The following GBF1 variants were observed in gnomAD, a reference collection of about 807,000 sequenced individuals.
GBF1 encodes Golgi-specific brefeldin A-resistance guanine nucleotide exchange factor 1.
GBF1 carries 114 observed loss-of-function variants against 210.5 expected under a neutral mutation model. The ratio of observed to expected loss-of-function variants is 0.54; its 90% CI spans 0.47 to 0.63. GBF1 has a LOEUF of 0.63. GBF1 is among the 30% of genes least tolerant of loss of function. The probability of loss-of-function intolerance (pLI) is 0.00; values close to 1 mark genes in which losing one functional copy is unlikely to be tolerated. For synonymous variants in GBF1, 850 were observed against 889.2 expected (o/e 0.96, Z 0.78); for missense variants, 1,851 against 2,357.7 (o/e 0.79, Z 4.45).
At chr10:102,370,070 G>A in intron 26 of GBF1, 86 bp downstream of exon 26, 1 of 1,567,946 alleles carries the variant, frequency 6.4e-7, no homozygotes, top group Non-Finnish European at 8.8e-7. Flanking sequence ...AATCATCCAG[G>A]ATTTGTAACC....
chr10:102,270,172 C>G (rs1353061870), intron 3 of GBF1, among the ~76,000 whole-genome samples: 2 of 151,910 alleles, frequency 1.3e-5, no homozygotes, highest in Admixed American at 6.6e-5. Flanking sequence ...ACCACTGCAC[C>G]CGGCCTTTTT....
intron 1 of GBF1, among the ~76,000 whole-genome samples, chr10:102,253,505 T>A (rs1266323419): frequency 6.6e-6 from 1 of 152,198 alleles, no homozygotes; most frequent in Non-Finnish European, 1.5e-5. Context: ...CTGCATTTTT[T>A]ACCAACTTAA....
chr10:102,299,628 C>A (rs1018775301), intron 3 of GBF1, among the ~76,000 whole-genome samples: 1 of 151,954 alleles, frequency 6.6e-6, no homozygotes, highest in Admixed American at 6.6e-5. Context: ...ACTAAAAATA[C>A]AAAATTAGCA....
chr10:102,363,605 G>A lies in GBF1; in HGVS notation c.2018-105G>A, dbSNP rs948052884. ...AGACTGGTGAGGACAAGATTTCTGA[G>A]GCTCCTTCTTGAAACTGGGGAGTAT... On this transcript the variant is annotated intron_variant, in intron 16 of 39. Coordinates refer to ENST00000369983, the MANE Select transcript of GBF1 (RefSeq NM_001377137.1). The surrounding 1 kb of genome is among the most constrained non-coding windows in gnomAD (Gnocchi z 4.2). 9 of 847,160 alleles carry A rather than the reference G, an allele frequency of 1.1e-5. No homozygotes were observed. The highest frequency in any genetic ancestry group is 1.8e-5 in the Non-Finnish European group (9 of 506,482). 52.5% of individuals were successfully genotyped at this position (847,160 alleles called of 1,614,324 possible). A position where few individuals can be genotyped will look rare whatever the true frequency, so the allele number is the denominator to read the frequency against.
At chr10:102,274,462 A>G (rs2074733651) in intron 3 of GBF1, among the ~76,000 whole-genome samples, 1 of 151,890 alleles carries the variant, frequency 6.6e-6, no homozygotes, top group Non-Finnish European at 1.5e-5. Flanking sequence ...TTTTTCACCT[A>G]TAATATGTTC....
the GBF1 span, chr10:102,231,174 G>C: frequency 7.3e-7 from 1 of 1,378,968 alleles, no homozygotes; most frequent in Non-Finnish European, 9.5e-7. Context: ...CCACCCCGAC[G>C]GGGCTTCCAG....
intron 3 of GBF1, among the ~76,000 whole-genome samples, chr10:102,279,957 A>C (rs1327131443): frequency 3.3e-5 from 5 of 151,898 alleles, no homozygotes; most frequent in Admixed American, 2.0e-4. Context: ...ATCTCTACTA[A>C]ATTTTTTTTT....
chr10:102,264,182 G>A (rs992565147), intron 3 of GBF1, among the ~76,000 whole-genome samples: 8 of 152,154 alleles, frequency 5.3e-5, no homozygotes, highest in Admixed American at 2.0e-4. Flanking sequence ...TATAAAGGAG[G>A]CAAATGTAGG....
intron 3 of GBF1, among the ~76,000 whole-genome samples, chr10:102,270,643 CT>C (rs2074317119): frequency 6.6e-6 from 1 of 152,090 alleles, no homozygotes; most frequent in South Asian, 2.1e-4. Flanking sequence ...CATTTCACCC[CT>C]AAATACTTCA....
intron 3 of GBF1, among the ~76,000 whole-genome samples, chr10:102,264,942 C>G (rs2073696231): frequency 6.6e-6 from 1 of 152,232 alleles, no homozygotes; most frequent in South Asian, 2.1e-4. Context: ...TCCAAAGACA[C>G]ATTTCCTTTT....
chr10:102,348,290 C>T (rs2058711800), intron 4 of GBF1, among the ~76,000 whole-genome samples: 1 of 152,136 alleles, frequency 6.6e-6, no homozygotes, highest in South Asian at 2.1e-4. Context: ...CCTCAGGGGA[C>T]AAGAACTACA....
At chr10:102,371,714 A>T (rs1355040730) in intron 29 of GBF1, among the ~76,000 whole-genome samples, 1 of 152,172 alleles carries the variant, frequency 6.6e-6, no homozygotes, top group Non-Finnish European at 1.5e-5. Context: ...AGATCACTTG[A>T]GGTCAGGAGT....
At position 102,360,275 on chromosome 10, in the gene GBF1, A is replaced by G; in HGVS notation, c.1272A>G (p.Ser424=). 1 of 1,612,378 alleles carries G rather than the reference A, an allele frequency of 6.2e-7. No individual in the cohort carries two copies. The highest frequency in any genetic ancestry group is 1.3e-5 in the African/African-American group (1 of 74,962). Residue 424 remains serine (S), a synonymous_variant, in exon 12 of 40, where the codon TCA becomes TCG. Transcript: ENST00000369983. The part of the protein sequence containing the change: ...SLTNPHDRHN[S]EVMIHMGLHL... ...CCAATCCACACGACCGCCATAACTCAGAGGTTATGATTCACATGGGACTGC... is the reference window on the plus strand; with the variant it reads ...CCAATCCACACGACCGCCATAACTCGGAGGTTATGATTCACATGGGACTGC...
chr10:102,326,849 T>C (rs926749541), intron 3 of GBF1, among the ~76,000 whole-genome samples: 6 of 152,230 alleles, frequency 3.9e-5, no homozygotes, highest in Non-Finnish European at 8.8e-5. Flanking sequence ...AGTAGTTTTT[T>C]TCTGTTTTGC....
At chr10:102,289,865 TGA>T (rs2076287477) in intron 3 of GBF1, among the ~76,000 whole-genome samples, 1 of 152,110 alleles carries the variant, frequency 6.6e-6, no homozygotes, top group African/African-American at 2.4e-5. Flanking sequence ...TCCAGCACTT[TGA>T]GAGAGGCCTA....
Position 102,366,524 on chromosome 10 carries a change from G to A in GBF1, c.2433+18G>A. The A allele has an allele frequency of 1.2e-6, 2 of 1,612,760 alleles. No homozygotes were observed. Among genetic ancestry groups the A allele is most frequent in the Non-Finnish European group, 1.7e-6 (2 of 1,178,968 alleles). On this transcript the variant is annotated intron_variant, in intron 19 of 39. Transcript: ENST00000369983. The surrounding 1 kb of genome is among the most constrained non-coding windows in gnomAD (Gnocchi z 4.0). ...GTTGGATGGTGAGTTTGAGTGTCAGGGGCTGAGCCCAGGATCCAAGGTCAG... is the reference window on the plus strand; with the variant it reads ...GTTGGATGGTGAGTTTGAGTGTCAGAGGCTGAGCCCAGGATCCAAGGTCAG...
intron 1 of GBF1, among the ~76,000 whole-genome samples, chr10:102,251,064 A>G (rs2071469367): frequency 6.6e-6 from 1 of 152,232 alleles, no homozygotes; most frequent in Admixed American, 6.5e-5. Flanking sequence ...TTTAGAGCCA[A>G]AGAAAATAAG....
chr10:102,312,993 C>T (rs575998176), intron 3 of GBF1, among the ~76,000 whole-genome samples: 1 of 152,244 alleles, frequency 6.6e-6, no homozygotes, highest in South Asian at 2.1e-4. Flanking sequence ...AAATGCACAC[C>T]TTAGCCCTGT....
chr10:102,301,840 G>A (rs1197585002), intron 3 of GBF1, among the ~76,000 whole-genome samples: 4 of 152,016 alleles, frequency 2.6e-5, no homozygotes, highest in African/African-American at 7.3e-5. Context: ...AGGCAGAGAC[G>A]CTCCTCACTT....
Sources: gnomAD v4.1 joint callset for allele counts (sites outside exome capture counted in the v4.1 genomes callset) on GRCh38, gnomAD v4.1.1 for gene constraint, Gnocchi (gnomAD v3.1) non-coding constraint, MANE v1.5 for transcripts, NCBI Gene and HGNC (gene_info 2026-07-23, HGNC 2026-07-21) for gene names.